The following ARHGAP44 variants were observed in gnomAD, a reference collection of about 807,000 sequenced individuals.
The protein encoded by ARHGAP44 is rho GTPase-activating protein 44.
Under a neutral mutation model 106.8 loss-of-function variants are expected in ARHGAP44, and 43 were observed. The ratio of observed to expected loss-of-function variants is 0.40; its 90% CI spans 0.32 to 0.52. The LOEUF (loss-of-function observed/expected upper bound fraction) is 0.52. Ranked by LOEUF, ARHGAP44 falls within the 20% of genes least tolerant of loss-of-function variation. The pLI, the probability that ARHGAP44 is intolerant of heterozygous loss-of-function variation, is 0.48. For synonymous variants in ARHGAP44, 439 were observed against 410.3 expected, an observed-to-expected ratio of 1.07 and a Z score of -0.85; for missense variants, 866 against 1,050.5, an observed-to-expected ratio of 0.82 and a Z score of 2.43.
At chr17:12,847,510 C>CTTTTTTTTTTTTTT (rs201835763) in intron 1 of ARHGAP44, among the ~76,000 whole-genome samples, 1 of 133,602 alleles carries the variant, frequency 7.5e-6, no homozygotes. Flanking sequence ...GCTACCATCA[C>CTTTTTTTTTTTTTT]TCTTTTTTTT....
chr17:12,952,335 G>C (rs1406187156), intron 12 of ARHGAP44, among the ~76,000 whole-genome samples, 166 bp from the exon 13 acceptor site: 2 of 152,184 alleles, frequency 1.3e-5, no homozygotes, highest in African/African-American at 4.8e-5. Context: ...GACAGAAGGA[G>C]AACATAGAGG....
chr17:12,820,606 G>C (rs1438881405), intron 1 of ARHGAP44, among the ~76,000 whole-genome samples: 1 of 152,092 alleles, frequency 6.6e-6, no homozygotes, highest in Non-Finnish European at 1.5e-5. Flanking sequence ...ATGTGGGTGA[G>C]TGAGAGATAG....
intron 10 of ARHGAP44, among the ~76,000 whole-genome samples, chr17:12,946,397 G>C (rs1207973922): frequency 6.6e-6 from 1 of 151,556 alleles, no homozygotes; most frequent in African/African-American, 2.4e-5. Context: ...TGTAATCCCA[G>C]CAGTTTGGGA....
At chr17:12,908,802 A>T (rs762822330) in intron 3 of ARHGAP44, 95 bp from the exon 4 acceptor site, 14 of 964,310 alleles carry the variant, frequency 1.5e-5, no homozygotes, top group East Asian at 2.5e-5. Context: ...CATAGTTAAT[A>T]TAATACCTTG....
chr17:12,857,510 A>G (rs2035945849), intron 1 of ARHGAP44, among the ~76,000 whole-genome samples: 1 of 152,160 alleles, frequency 6.6e-6, no homozygotes, highest in South Asian at 2.1e-4. Context: ...CCCCATCCTG[A>G]TGACCTTATC....
intron 1 of ARHGAP44, among the ~76,000 whole-genome samples, chr17:12,802,949 ATATATATATATATATATATATTTTTTT>A (rs1171495166): frequency 3.5e-4 from 6 of 17,218 alleles, no homozygotes; most frequent in African/African-American, 1.5e-3. Flanking sequence ...ATATATATAT[ATATATATATATATATATATATTTTTTT>A]TTTTTTTTTT....
intron 1 of ARHGAP44, among the ~76,000 whole-genome samples, chr17:12,861,644 C>CCTTTTTTTTTTTTTTTT (rs113766926): frequency 3.0e-5 from 2 of 67,754 alleles, no homozygotes; most frequent in East Asian, 4.2e-4. Context: ...TCCTCTTCCA[C>CCTTTTTTTTTTTTTTTT]TTTTTTTTTT....
At chr17:12,831,530 A>C (rs1008028044) in intron 1 of ARHGAP44, among the ~76,000 whole-genome samples, 1 of 152,164 alleles carries the variant, frequency 6.6e-6, no homozygotes, top group Non-Finnish European at 1.5e-5. Flanking sequence ...GAAGTGAAAA[A>C]AATTACAAAG....
intron 1 of ARHGAP44, among the ~76,000 whole-genome samples, chr17:12,838,580 G>A (rs942041009): frequency 6.6e-6 from 1 of 152,134 alleles, no homozygotes; most frequent in African/African-American, 2.4e-5. Flanking sequence ...GGAATCAGGG[G>A]TGACGTTGAC....
rs1417307080 is a variant in ARHGAP44 at position 12,841,594 on chromosome 17, T to TCTCTCTCTCTCTCA, written c.53+51704_53+51705insTCTCTCTCTCTCAC. Among the ~76,000 whole-genome samples, 709 of 126,548 alleles carry TCTCTCTCTCTCTCA rather than the reference T, an allele frequency of 5.6e-3. 7 individuals are homozygous for TCTCTCTCTCTCTCA. Among genetic ancestry groups the TCTCTCTCTCTCTCA allele is most frequent in the African/African-American group, 0.021 (601 of 28,664 alleles). 83.0% of individuals were successfully genotyped at this position (126,548 alleles called of 152,430 possible). Reference sequence around the variant, plus strand: ...GAGACCCTGTCTCTCTGTCTCTCTCTCACACACACACACACACACACACAC... The same window carrying TCTCTCTCTCTCTCA: ...GAGACCCTGTCTCTCTGTCTCTCTCTCTCTCTCTCTCTCACACACACACACACACACACACACAC... On this transcript the variant is annotated intron_variant, in intron 1 of 20. Transcript: ENST00000379672.
At chr17:12,922,745 C>G (rs986736679) in intron 6 of ARHGAP44, among the ~76,000 whole-genome samples, 1 of 114,182 alleles carries the variant, frequency 8.8e-6, no homozygotes, top group Middle Eastern at 4.5e-3. Context: ...ATTACAGGCA[C>G]CTGCCATCAC....
intron 16 of ARHGAP44, among the ~76,000 whole-genome samples, chr17:12,963,333 A>T (rs2039309858): frequency 6.6e-6 from 1 of 151,928 alleles, no homozygotes; most frequent in African/African-American, 2.4e-5. Context: ...AGCCTTGTAG[A>T]TTCTTCCTGG....
chr17:12,808,800 A>T (rs1418596238), intron 1 of ARHGAP44, among the ~76,000 whole-genome samples: 2 of 152,106 alleles, frequency 1.3e-5, no homozygotes, highest in African/African-American at 4.8e-5. Flanking sequence ...GGCAGCTTGA[A>T]TTTCTCCTCA....
At position 12,896,521 on chromosome 17, in the gene ARHGAP44, C is replaced by A; in HGVS notation, c.198+10C>A. 1 of 1,583,130 alleles carries A rather than the reference C, an allele frequency of 6.3e-7. No homozygotes were observed. Among genetic ancestry groups the A allele is most frequent in the Non-Finnish European group, 8.6e-7 (1 of 1,165,450 alleles). On this transcript the variant is annotated intron_variant, in intron 3 of 20. Transcript: ENST00000379672. The stretch of plus-strand genomic sequence containing the variant: ...GGCTGACAAGCGCTCCGTAAGTGCC[C>A]TCCCAGCCCTGGGGAGCTGAAATCT...
At chr17:12,809,129 C>T (rs920344874) in intron 1 of ARHGAP44, among the ~76,000 whole-genome samples, 1 of 152,194 alleles carries the variant, frequency 6.6e-6, no homozygotes, top group African/African-American at 2.4e-5. Context: ...TTCTTCATCT[C>T]CATCTGAGAT....
Position 12,853,619 on chromosome 17 carries a change from A to G in ARHGAP44, c.54-41321A>G, listed in dbSNP as rs143266627. Reference sequence around the variant, plus strand: ...AGGCGTCCTATCAGAAACTGTTTTTATCACTGACTGTTCAGTCCTTCATGT... The same window carrying G: ...AGGCGTCCTATCAGAAACTGTTTTTGTCACTGACTGTTCAGTCCTTCATGT... On this transcript the variant is annotated intron_variant, in intron 1 of 20. Transcript: ENST00000379672. 1.9e-3 allele frequency among the ~76,000 whole-genome samples: 292 copies of G among 152,328 alleles called. 1 individual carries two copies. The highest frequency in any genetic ancestry group is 6.7e-3 in the African/African-American group (279 of 41,580).
At chr17:12,836,455 C>T (rs1244937241) in intron 1 of ARHGAP44, among the ~76,000 whole-genome samples, 8 of 151,990 alleles carry the variant, frequency 5.3e-5, no homozygotes, top group African/African-American at 1.9e-4. Flanking sequence ...CGATACCATC[C>T]TGGCCAACAT....
intron 18 of ARHGAP44, among the ~76,000 whole-genome samples, chr17:12,978,769 A>G (rs1193408238): frequency 6.8e-6 from 1 of 147,240 alleles, no homozygotes; most frequent in Non-Finnish European, 1.5e-5. Context: ...GCTCACTGCA[A>G]CCTCCATCTC....
chr17:12,810,609 A>G (rs724005), intron 1 of ARHGAP44, among the ~76,000 whole-genome samples: 44,261 of 151,962 alleles, frequency 0.29, 6,888 homozygotes, highest in African/African-American at 0.39. Flanking sequence ...GACTTAATCA[A>G]TCATGCATAT....
Sources: allele counts gnomAD v4.1 joint callset (sites outside exome capture counted in the v4.1 genomes callset), GRCh38; gene constraint gnomAD v4.1.1; transcripts MANE v1.5; gene names NCBI Gene and HGNC (gene_info 2026-07-23, HGNC 2026-07-21).